The following BTBD8 variants were observed in gnomAD, a reference collection of about 807,000 sequenced individuals.
The protein encoded by BTBD8 is BTB domain containing 8.
A neutral mutation model predicts 162.9 loss-of-function variants in BTBD8; 110 were observed. The observed-to-expected ratio is 0.68, with a 90% CI of 0.58 to 0.79. The LOEUF (loss-of-function observed/expected upper bound fraction) is 0.79, where lower values mean the gene tolerates loss of function less well. Ranked by LOEUF, BTBD8 falls within the 30% of genes least tolerant of loss-of-function variation. The probability of loss-of-function intolerance (pLI) is 0.00; values close to 1 mark genes in which losing one functional copy is unlikely to be tolerated. For synonymous variants in BTBD8, 667 were observed against 716.1 expected (o/e 0.93, Z 1.10); for missense variants, 1,905 against 2,085.4 (o/e 0.91, Z 1.68).
intron 13 of BTBD8, among the ~76,000 whole-genome samples, chr1:92,176,514 C>T (rs147614839): frequency 1.8e-4 from 27 of 152,250 alleles, no homozygotes; most frequent in African/African-American, 6.3e-4. Flanking sequence ...CTCAGGGCAT[C>T]CTGAATCTTT....
chr1:92,182,721 T>C (rs1379850076), intron 17 of BTBD8, 126 bp downstream of exon 17: 4 of 530,772 alleles, frequency 7.5e-6, no homozygotes, highest in Non-Finnish European at 1.2e-5. Context: ...CAGATTAAAA[T>C]TTTAAATGAA....
rs969565092 is a variant in BTBD8, at chr1:92,181,421, G to A, written c.3738G>A (p.Glu1246=). Residue 1246 remains glutamate, a synonymous_variant, in exon 17 of 18, where the codon GAG becomes GAA. Transcript: ENST00000636805. ...GTACTGGTGTTCTGCATCAGCGAGA[G>A]AGTCCTGAATCTGACACTGGCAGTG... The part of the protein sequence containing the change: ...NLSTGVLHQR[E]SPESDTGSAT... 6.4e-7 allele frequency: 1 copy of A among 1,551,656 alleles called. No individual in the cohort carries two copies. The highest frequency in any genetic ancestry group is 8.7e-7 in the Non-Finnish European group (1 of 1,146,974).
intron 2 of BTBD8, among the ~76,000 whole-genome samples, chr1:92,097,962 G>A (rs548489029): frequency 2.7e-4 from 41 of 152,288 alleles, no homozygotes; most frequent in African/African-American, 8.7e-4. Context: ...TTTCCCCAGC[G>A]ATGAGTTGTG....
At chr1:92,099,304 A>C (rs1648527465) in intron 2 of BTBD8, among the ~76,000 whole-genome samples, 1 of 152,106 alleles carries the variant, frequency 6.6e-6, no homozygotes, top group Non-Finnish European at 1.5e-5. Context: ...CTTTGTAGGA[A>C]GCTTAGAAAA....
At chr1:92,110,469 G>A (rs772286839) in intron 4 of BTBD8, among the ~76,000 whole-genome samples, 1 of 152,154 alleles carries the variant, frequency 6.6e-6, no homozygotes, top group Non-Finnish European at 1.5e-5. Context: ...TAGCCTTCAT[G>A]GATTCCATTA....
intron 1 of BTBD8, among the ~76,000 whole-genome samples, chr1:92,081,278 C>G (rs1474052159): frequency 6.6e-6 from 1 of 152,132 alleles, no homozygotes; most frequent in African/African-American, 2.4e-5. Flanking sequence ...CCTGTGAGGA[C>G]CAAAGCAAAT....
chr1:92,177,525 A>G lies in BTBD8; in HGVS notation c.2332A>G (p.Ser778Gly), dbSNP rs1443528577. ...PGQMMKNSVDSVKNSTVAIKS... is the reference protein window; with the variant it reads ...PGQMMKNSVDGVKNSTVAIKS... ...ACAGATGATGAAAAACAGTGTAGATAGTGTCAAAAATTCCACTGTAGGTGG... is the reference window on the plus strand; with the variant it reads ...ACAGATGATGAAAAACAGTGTAGATGGTGTCAAAAATTCCACTGTAGGTGG... The change falls in exon 14 of 18, where the codon AGT becomes GGT. Residue 778 changes from serine (S) to glycine (G), a missense_variant. Physicochemically the swap from Ser to Gly is moderately conservative, Grantham distance 56. Transcript: ENST00000636805. 2.0e-6 allele frequency: 3 copies of G among 1,538,418 alleles called. No individual in the cohort carries two copies. Among genetic ancestry groups the G allele is most frequent in the Non-Finnish European group, 1.8e-6 (2 of 1,141,662 alleles).
At chr1:92,126,497 T>C in intron 4 of BTBD8, 1 of 578,302 alleles carries the variant, frequency 1.7e-6, no homozygotes, top group South Asian at 1.4e-5. Flanking sequence ...TTTTCTCCTC[T>C]CCTCAATCCT....
chr1:92,122,657 C>T (rs1275762361), intron 4 of BTBD8, among the ~76,000 whole-genome samples: 2 of 152,098 alleles, frequency 1.3e-5, no homozygotes, highest in East Asian at 3.9e-4. Context: ...CTGCGCCCCT[C>T]AGGTTCAAGA....
rs541840537 is a variant in BTBD8 at position 92,174,585 on chromosome 1, G to C, written c.1636-2244G>C. On this transcript the variant is annotated intron_variant, in intron 13 of 17. Transcript: ENST00000636805. Reference sequence around the variant, plus strand: ...TTAAGGGTGGGAAGGAGTTCTAAAAGCAGAAGTCAGCCTGGTTTTAGGTAT... The same window carrying C: ...TTAAGGGTGGGAAGGAGTTCTAAAACCAGAAGTCAGCCTGGTTTTAGGTAT... Among the ~76,000 whole-genome samples, 3 of 152,086 alleles carry C rather than the reference G, an allele frequency of 2.0e-5. No homozygotes were observed. The South Asian group carries it at 6.2e-4, about 32-fold the overall frequency.
intron 13 of BTBD8, among the ~76,000 whole-genome samples, chr1:92,172,957 C>T (rs1650592073): frequency 6.6e-6 from 1 of 152,144 alleles, no homozygotes; most frequent in Non-Finnish European, 1.5e-5. Context: ...CGGAGTTTCG[C>T]TCTTGTTGCC....
rs1650743505 is a variant in BTBD8, at chr1:92,177,226, G to C, written c.2033G>C (p.Gly678Ala). The change falls in exon 14 of 18, where the codon GGA becomes GCA. Residue 678 changes from glycine to alanine, a missense_variant. Transcript: ENST00000636805. Reference protein sequence around the residue: ...AATGQKNLLNGKGVRNQEGQI... With the variant: ...AATGQKNLLNAKGVRNQEGQI... ...ACTGGACAGAAGAATTTACTAAATG[G>C]AAAAGGAGTGAGAAATCAGGAAGGG... 6.4e-7 allele frequency: 1 copy of C among 1,551,936 alleles called. No homozygotes were observed. The highest frequency in any genetic ancestry group is 8.7e-7 in the Non-Finnish European group (1 of 1,147,082).
In BTBD8 at chr1:92,182,278, C is replaced by T; in HGVS notation, c.4595C>T (p.Ala1532Val). The T allele has an allele frequency of 6.4e-7, 1 of 1,550,960 alleles. No individual in the cohort carries two copies. The highest frequency in any genetic ancestry group is 2.4e-5 in the East Asian group (1 of 40,902). The change falls in exon 17 of 18, where the codon GCC becomes GTC. Residue 1532 changes from alanine to valine, a missense_variant. This residue lies in a region of BTBD8 where 517 missense variants were observed against 606.6 expected (regional missense o/e 0.85). Coordinates refer to ENST00000636805, the MANE Select transcript of BTBD8 (RefSeq NM_001376131.1). ...AGAAAAAATAAACAGAGTGTTTCAG[C>T]CACAGAAAAAAAGAACACAATAGAC... Reference protein sequence around the residue: ...SSRKNKQSVSATEKKNTIDVL... With the variant: ...SSRKNKQSVSVTEKKNTIDVL...
At chr1:92,169,583 T>A (rs746889379) in intron 12 of BTBD8, among the ~76,000 whole-genome samples, 3 of 141,272 alleles carry the variant, frequency 2.1e-5, no homozygotes, top group Non-Finnish European at 1.6e-5. Context: ...TTAAAAAAAA[T>A]ATCAAAATAA....
At chr1:92,152,659 G>C (rs1267581724) in intron 9 of BTBD8, among the ~76,000 whole-genome samples, 1 of 151,918 alleles carries the variant, frequency 6.6e-6, no homozygotes, top group Admixed American at 6.6e-5. Flanking sequence ...TAACGAGTTT[G>C]ATTTTTTTTT....
In BTBD8 at chr1:92,180,482, T is replaced by C; in HGVS notation, c.2799T>C (p.Asn933=). ...LNQSKKGETL[N]NKDSKQKMPP... ...AGTCAAAGAAAGGTGAAACTTTGAA[T>C]AATAAAGATTCAAAACAGAAAATGC... The change falls in exon 17 of 18, where the codon AAT becomes AAC. Residue 933 remains asparagine, a synonymous_variant. Coordinates refer to ENST00000636805, the MANE Select transcript of BTBD8 (RefSeq NM_001376131.1). 6.4e-7 allele frequency: 1 copy of C among 1,550,480 alleles called. No individual in the cohort carries two copies. Among genetic ancestry groups the C allele is most frequent in the Non-Finnish European group, 8.7e-7 (1 of 1,146,676 alleles).
chr1:92,111,834 CA>C lies in BTBD8; in HGVS notation c.662+3834del, dbSNP rs1388887698. ...TTGCCTGTTCTAGCTTGTCTTATAT[CA>C]GGGGGCAAACTATGGCCTAAATGTG... is the stretch of plus-strand genomic sequence containing the variant. On this transcript the variant is annotated intron_variant, in intron 4 of 17. Transcript: ENST00000636805. 2.6e-5 allele frequency among the ~76,000 whole-genome samples: 4 copies of C among 152,086 alleles called. 1 individual carries two copies. Among genetic ancestry groups the C allele is most frequent in the Non-Finnish European group, 5.9e-5 (4 of 68,024 alleles).
At position 92,080,520 on chromosome 1, in the gene BTBD8, G is replaced by T. The variant is rs2101886085; in HGVS notation, c.-52G>T. 1 of 1,599,738 alleles carries T rather than the reference G, an allele frequency of 6.3e-7. No individual in the cohort carries two copies. The highest frequency in any genetic ancestry group is 2.3e-5 in the East Asian group (1 of 44,370). On this transcript the variant is annotated 5_prime_UTR_variant, in exon 1 of 18. Transcript: ENST00000636805. ...AACGCCCCCTTCTTCCTCCTGGGCG[G>T]GGCAAGTGAGGCCAAGTACTGGGCC... is the stretch of plus-strand genomic sequence containing the variant.
At chr1:92,150,780 T>G (rs1650026836) in intron 9 of BTBD8, 1 of 152,188 alleles carries the variant, frequency 6.6e-6, no homozygotes. Context: ...GGGAGGAAAC[T>G]GGAGTGTCCA....
Sources: gnomAD v4.1 joint callset for allele counts (sites outside exome capture counted in the v4.1 genomes callset) on GRCh38, gnomAD v4.1.1 for gene constraint, gnomAD v4.1.1 regional missense constraint, MANE v1.5 for transcripts, NCBI Gene and HGNC (gene_info 2026-07-23, HGNC 2026-07-21) for gene names.